Variants in SEMA5B observed in about 807,000 individuals in gnomAD.
SEMA5B encodes the protein semaphorin 5B, also known as semaphorin-5B.
Under a neutral mutation model 135.0 loss-of-function variants are expected in SEMA5B, and 66 were observed. That is an observed-to-expected ratio of 0.49 (90% CI 0.40 to 0.60). The LOEUF is 0.60. Among genes scored for constraint, SEMA5B ranks in the 20% least tolerant of loss-of-function variants. The pLI is 0.00. For missense variants in SEMA5B, 1,501 were observed against 1,566.3 expected (o/e 0.96, Z 0.70); for synonymous variants, 690 against 639.5 (o/e 1.08, Z -1.19).
intron 2 of SEMA5B, among the ~76,000 whole-genome samples, 177 bp downstream of exon 2, chr3:122,960,963 C>A (rs1226946574): frequency 1.3e-5 from 2 of 152,120 alleles, no homozygotes; most frequent in Non-Finnish European, 2.9e-5. Context: ...GTTAAATGGC[C>A]AATTTCATGT....
At position 122,922,050 on chromosome 3, in the gene SEMA5B, T is replaced by G; in HGVS notation, c.1553A>C (p.His518Pro). Residue 518 changes from histidine to proline, a missense_variant, in exon 12 of 23, where the codon CAC becomes CCC. Around this residue, in one of 2 missense-constraint regions of SEMA5B, gnomAD observed 927 missense variants for 881.6 expected, o/e 1.05. Coordinates refer to ENST00000357599, the MANE Select transcript of SEMA5B (RefSeq NM_001031702.4). ...CTCGCGGCGCCCGGGGGGCAGCACG[T>G]GCAGCTCCTCCAGGTAGCAGCCGTG... The part of the protein sequence containing the change: ...SLHGCYLEEL[H>P]VLPPGRREPL... 6.7e-7 allele frequency: 1 copy of G among 1,495,968 alleles called. No individual in the cohort carries two copies. Among genetic ancestry groups the G allele is most frequent in the South Asian group, 1.3e-5 (1 of 74,262 alleles). 92.7% of individuals were successfully genotyped at this position (1,495,968 alleles called of 1,614,324 possible).
Position 122,912,198 on chromosome 3 carries a change from G to A in SEMA5B, c.2870C>T (p.Ala957Val). The A allele has an allele frequency of 6.3e-7, 1 of 1,599,542 alleles. No individual in the cohort carries two copies. Among genetic ancestry groups the A allele is most frequent in the Non-Finnish European group, 8.5e-7 (1 of 1,170,958 alleles). ...TGGGCAGGCCTGTGTGGCACATAGTGCCTCCTCCGTGTGCAGCCCGAGACA... is the reference window on the plus strand; with the variant it reads ...TGGGCAGGCCTGTGTGGCACATAGTACCTCCTCCGTGTGCAGCCCGAGACA... ...DICLGLHTEE[A>V]LCATQACPEG... is the part of the protein sequence containing the mutation. Residue 957 changes from alanine to valine, a missense_variant, in exon 19 of 23, where the codon GCA becomes GTA. By Grantham distance (64) the Ala-to-Val change is moderately conservative. Around this residue, in one of 2 missense-constraint regions of SEMA5B, gnomAD observed 927 missense variants for 881.6 expected, o/e 1.05. Transcript: ENST00000357599.
chr3:122,911,324 G>T, intron 21 of SEMA5B, 167 bp downstream of exon 21: 2 of 1,520,110 alleles, frequency 1.3e-6, no homozygotes, highest in Non-Finnish European at 1.8e-6. Flanking sequence ...TAGCTGGGGG[G>T]GGCATGGAGG....
intron 1 of SEMA5B, among the ~76,000 whole-genome samples, chr3:122,964,991 G>C (rs1401950032): frequency 6.6e-6 from 1 of 152,222 alleles, no homozygotes. Flanking sequence ...CAGGGAGGGA[G>C]GGTGAGGAGG....
Position 122,913,058 on chromosome 3 carries a change from AG to A in SEMA5B, c.2509del (p.Leu837TrpfsTer16). 1 of 1,505,534 alleles carries A rather than the reference AG, an allele frequency of 6.6e-7. No individual in the cohort carries two copies. Among genetic ancestry groups the A allele is most frequent in the Non-Finnish European group, 8.9e-7 (1 of 1,128,820 alleles). The allele number at this position is 1,505,534 out of a possible 1,614,324, so 93.3% of individuals were successfully genotyped here. On this transcript the variant is annotated frameshift_variant and splice_region_variant, in exon 18 of 23. Coordinates refer to ENST00000357599, the MANE Select transcript of SEMA5B (RefSeq NM_001031702.4). LOFTEE classifies it high-confidence loss of function. ...CCCGCTGCGCAGGAGGACCTCCACC[AG>A]GGCTGCGGAGGGGCTAGGCCTCAGC... is the stretch of plus-strand genomic sequence containing the variant. Reference protein sequence around the residue: ...DGSGSCDTDALVEVLLRSGST... With the variant: ...DGSGSCDTDAXVEVLLRSGST...
chr3:122,916,492 C>T lies in SEMA5B; in HGVS notation c.1689-602G>A, dbSNP rs145040483. Among the ~76,000 whole-genome samples the T allele has an allele frequency of 4.7e-4, 71 of 152,246 alleles. 1 individual carries two copies. Among genetic ancestry groups the T allele is most frequent in the South Asian group, 2.3e-3 (11 of 4,822 alleles). On this transcript the variant is annotated intron_variant, in intron 12 of 22. Transcript: ENST00000357599. Reference sequence around the variant, plus strand: ...GCTCCCTGGGTGATTCTAATGGGAGCGAGGCTGAGAACCTCTGGGATCCAC... The same window carrying T: ...GCTCCCTGGGTGATTCTAATGGGAGTGAGGCTGAGAACCTCTGGGATCCAC...
intron 2 of SEMA5B, among the ~76,000 whole-genome samples, chr3:122,959,106 G>T (rs1005690975): frequency 6.6e-6 from 1 of 152,170 alleles, no homozygotes; most frequent in Non-Finnish European, 1.5e-5. Flanking sequence ...GGGAGCTCGC[G>T]GCAGAGACTA....
chr3:122,994,760 G>C (rs1241403852), intron 1 of SEMA5B, among the ~76,000 whole-genome samples: 2 of 152,202 alleles, frequency 1.3e-5, no homozygotes, highest in African/African-American at 2.4e-5. Flanking sequence ...AAATCTCTGA[G>C]ACTCGGTTTC....
intron 4 of SEMA5B, among the ~76,000 whole-genome samples, chr3:122,941,475 G>T (rs1355539276): frequency 6.6e-6 from 1 of 152,292 alleles, no homozygotes; most frequent in African/African-American, 2.4e-5. Flanking sequence ...TAAAATGGGG[G>T]TACATAGAAC....
At chr3:122,977,792 C>T (rs543875013) in intron 1 of SEMA5B, among the ~76,000 whole-genome samples, 2 of 152,244 alleles carry the variant, frequency 1.3e-5, no homozygotes, top group Non-Finnish European at 2.9e-5. Flanking sequence ...CAGGCCCCAC[C>T]CCAGAGATTC....
intron 4 of SEMA5B, 25 bp downstream of exon 4, chr3:122,943,411 C>A (rs1335531384): frequency 1.3e-6 from 2 of 1,530,106 alleles, no homozygotes; most frequent in Non-Finnish European, 1.8e-6. Flanking sequence ...GCACTTCCCA[C>A]CCCGACCCTT....
intron 3 of SEMA5B, among the ~76,000 whole-genome samples, chr3:122,945,005 CAGAG>C (rs111801095): frequency 1.3e-5 from 2 of 150,312 alleles, no homozygotes; most frequent in African/African-American, 4.9e-5. Flanking sequence ...GAGAGAGAGG[CAGAG>C]AGAGAGAGAG....
chr3:122,937,449 A>C (rs1939348086), intron 5 of SEMA5B, among the ~76,000 whole-genome samples: 1 of 152,218 alleles, frequency 6.6e-6, no homozygotes, highest in Non-Finnish European at 1.5e-5. Flanking sequence ...CCCTCTGTGG[A>C]CAGATGGTAC....
intron 1 of SEMA5B, among the ~76,000 whole-genome samples, chr3:123,009,649 C>G (rs1286123484): frequency 6.6e-6 from 1 of 152,230 alleles, no homozygotes; most frequent in African/African-American, 2.4e-5. Context: ...TTTCCAGCCA[C>G]TGAGGCTTAT....
At chr3:122,996,426 C>A (rs1156713306) in intron 1 of SEMA5B, among the ~76,000 whole-genome samples, 1 of 152,238 alleles carries the variant, frequency 6.6e-6, no homozygotes, top group East Asian at 1.9e-4. Flanking sequence ...CCAGCTCAGC[C>A]AAATCATAAA....
At position 123,014,408 on chromosome 3, in the gene SEMA5B, C is replaced by T. The variant is rs572417942; in HGVS notation, c.-39+13056G>A. Among the ~76,000 whole-genome samples the T allele has an allele frequency of 3.9e-5, 6 of 152,286 alleles. No homozygotes were observed. In the South Asian group the frequency reaches 1.0e-3, roughly 26 times the overall value. On this transcript the variant is annotated intron_variant, in intron 1 of 22. Transcript: ENST00000357599. ...GGTAGACAAGGGAAATGGGGTTTGC[C>T]CATCAAGCAGATCTTAAATGAAACA...
rs77348701 is a variant in SEMA5B at position 122,955,128 on chromosome 3, G to A, written c.124+6012C>T. ...ATCATCTTCTTCTTTTTTTTTTTTA[G>A]ACCGTGTCTCTAAAAAAACAAAGGA... On this transcript the variant is annotated intron_variant, in intron 2 of 22. Coordinates refer to ENST00000357599, the MANE Select transcript of SEMA5B (RefSeq NM_001031702.4). Among the ~76,000 whole-genome samples, 167 of 148,224 alleles carry A rather than the reference G, an allele frequency of 1.1e-3. 1 individual carries two copies. The East Asian group carries it at 0.031, about 28-fold the overall frequency.
At chr3:122,971,756 G>A (rs575511661) in intron 1 of SEMA5B, among the ~76,000 whole-genome samples, 5 of 152,326 alleles carry the variant, frequency 3.3e-5, no homozygotes, top group East Asian at 1.9e-4. Flanking sequence ...GGTGCGGCAC[G>A]GTGAGAAGAG....
chr3:122,962,414 GGA>G (rs1473599750), intron 1 of SEMA5B, among the ~76,000 whole-genome samples: 1 of 152,190 alleles, frequency 6.6e-6, no homozygotes, highest in African/African-American at 2.4e-5. Flanking sequence ...GGCGGGTGGT[GGA>G]GAGGGAGGAG....
Sources: gnomAD v4.1 joint callset for allele counts (sites outside exome capture counted in the v4.1 genomes callset) on GRCh38, gnomAD v4.1.1 for gene constraint, gnomAD v4.1.1 regional missense constraint, MANE v1.5 for transcripts, NCBI Gene and HGNC (gene_info 2026-07-23, HGNC 2026-07-21) for gene names.